The following VPS41 variants were observed in gnomAD, a reference collection of about 807,000 sequenced individuals.
VPS41 encodes the protein VPS41 subunit of HOPS complex.
A neutral mutation model predicts 130.9 loss-of-function variants in VPS41; 85 were observed. The observed-to-expected ratio is 0.65, with a 90% CI of 0.55 to 0.78. The LOEUF (loss-of-function observed/expected upper bound fraction) is 0.78. Ranked by LOEUF, VPS41 falls within the 30% of genes least tolerant of loss-of-function variation. The pLI is 0.00. For synonymous variants in VPS41, 335 were observed against 332.9 expected, an observed-to-expected ratio of 1.01 and a Z score of -0.07; for missense variants, 874 against 1,018.7, an observed-to-expected ratio of 0.86 and a Z score of 1.93.
chr7:38,803,404 T>G (rs1784773213), intron 7 of VPS41, among the ~76,000 whole-genome samples: 1 of 152,174 alleles, frequency 6.6e-6, no homozygotes. Context: ...TGGGCAAGAT[T>G]CAGCAGGGGC....
chr7:38,858,652 T>G (rs1786036319), intron 4 of VPS41, among the ~76,000 whole-genome samples: 1 of 152,190 alleles, frequency 6.6e-6, no homozygotes, highest in South Asian at 2.1e-4. Context: ...TTCCTAACAC[T>G]CTGTGTCACT....
chr7:38,861,299 C>G (rs185257229), intron 4 of VPS41, among the ~76,000 whole-genome samples: 155 of 152,274 alleles, frequency 1.0e-3, no homozygotes, highest in African/African-American at 3.6e-3. Flanking sequence ...AGAAACCACA[C>G]AGTCAATCTT....
At chr7:38,745,294 A>C (rs1233271387) in intron 23 of VPS41, among the ~76,000 whole-genome samples, 1 of 152,214 alleles carries the variant, frequency 6.6e-6, no homozygotes, top group East Asian at 1.9e-4. Flanking sequence ...ACTCATCTAC[A>C]ACTTAATCTA....
intron 23 of VPS41, among the ~76,000 whole-genome samples, chr7:38,744,509 A>T (rs1237056099): frequency 2.0e-5 from 3 of 152,222 alleles, no homozygotes; most frequent in Non-Finnish European, 4.4e-5. Context: ...TTAGTTATTT[A>T]AAAATGTTTA....
At chr7:38,827,279 G>C (rs1470272782) in intron 5 of VPS41, among the ~76,000 whole-genome samples, 1 of 151,958 alleles carries the variant, frequency 6.6e-6, no homozygotes, top group African/African-American at 2.4e-5. Flanking sequence ...ATCAGAGAAG[G>C]GAATAAACAA....
intron 2 of VPS41, among the ~76,000 whole-genome samples, chr7:38,883,003 G>T (rs1370786005): frequency 2.6e-5 from 4 of 152,164 alleles, no homozygotes; most frequent in African/African-American, 9.7e-5. Flanking sequence ...AGCACTTTGG[G>T]AGGCCGAGGC....
chr7:38,878,578 A>C (rs1195226380), intron 2 of VPS41, among the ~76,000 whole-genome samples: 1 of 152,200 alleles, frequency 6.6e-6, no homozygotes, highest in Non-Finnish European at 1.5e-5. Flanking sequence ...AACCCCGCAT[A>C]TATTAATAAA....
At position 38,829,413 on chromosome 7, in the gene VPS41, G is replaced by C. The variant is rs1240661159; in HGVS notation, c.321+841C>G. Among the ~76,000 whole-genome samples the C allele has an allele frequency of 2.0e-5, 3 of 152,120 alleles. No homozygotes were observed. In the South Asian group the frequency reaches 6.2e-4, roughly 32 times the overall value. Reference sequence around the variant, plus strand: ...AGGGCACATAATAAATACAAAATTAGATTAGGAAATCTGCTTTACTCAGTA... The same window carrying C: ...AGGGCACATAATAAATACAAAATTACATTAGGAAATCTGCTTTACTCAGTA... On this transcript the variant is annotated intron_variant, in intron 5 of 28. Transcript: ENST00000310301.
At chr7:38,830,887 T>A (rs1471240259) in intron 4 of VPS41, among the ~76,000 whole-genome samples, 1 of 152,224 alleles carries the variant, frequency 6.6e-6, no homozygotes, top group Non-Finnish European at 1.5e-5. Context: ...TGATCCATTT[T>A]GTAGAAGAAT....
At chr7:38,842,049 A>G (rs1441468273) in intron 4 of VPS41, among the ~76,000 whole-genome samples, 2 of 152,116 alleles carry the variant, frequency 1.3e-5, no homozygotes, top group African/African-American at 2.4e-5. Flanking sequence ...TCTGTGTCAA[A>G]TTGTCAATTC....
intron 2 of VPS41, among the ~76,000 whole-genome samples, chr7:38,891,226 A>AT (rs1786859915): frequency 6.6e-6 from 1 of 152,212 alleles, no homozygotes; most frequent in African/African-American, 2.4e-5. Context: ...GAAGACACCT[A>AT]TAATATGTAT....
chr7:38,781,032 C>T (rs1784346490), intron 10 of VPS41, among the ~76,000 whole-genome samples: 2 of 152,158 alleles, frequency 1.3e-5, no homozygotes, highest in Non-Finnish European at 2.9e-5. Flanking sequence ...CAGATGCCAG[C>T]ATCATGCTTA....
chr7:38,765,564 A>G lies in VPS41; in HGVS notation c.1329+16T>C. The G allele has an allele frequency of 6.5e-7, 1 of 1,529,148 alleles. No individual in the cohort carries two copies. The highest frequency in any genetic ancestry group is 8.9e-7 in the Non-Finnish European group (1 of 1,119,826). 94.7% of individuals were successfully genotyped at this position (1,529,148 alleles called of 1,614,324 possible). ...TACTTGCAGAAACTGAGAGTTAAAA[A>G]TAAGGCTTTGCTTACCTTAAGCTGT... On this transcript the variant is annotated intron_variant, in intron 16 of 28. Transcript: ENST00000310301.
chr7:38,789,641 G>C (rs1027024977), intron 10 of VPS41, among the ~76,000 whole-genome samples, 160 bp downstream of exon 10: 2 of 152,176 alleles, frequency 1.3e-5, no homozygotes, highest in Non-Finnish European at 2.9e-5. Context: ...CAGCAGTGGG[G>C]ACAGCAGATG....
At chr7:38,762,402 C>T (rs886159005) in intron 17 of VPS41, among the ~76,000 whole-genome samples, 5 of 152,082 alleles carry the variant, frequency 3.3e-5, no homozygotes, top group African/African-American at 9.7e-5. Flanking sequence ...ATATGTTTGT[C>T]GTTAATATTA....
intron 10 of VPS41, among the ~76,000 whole-genome samples, chr7:38,782,599 T>C (rs940745782): frequency 6.6e-6 from 1 of 152,182 alleles, no homozygotes; most frequent in African/African-American, 2.4e-5. Context: ...CACAAAATTT[T>C]CACATATTGC....
At position 38,799,650 on chromosome 7, in the gene VPS41, T is replaced by C. The variant is rs1482937961; in HGVS notation, c.451-2786A>G. Among the ~76,000 whole-genome samples the C allele has an allele frequency of 2.6e-5, 4 of 152,152 alleles. No individual in the cohort carries two copies. In the East Asian group the frequency reaches 7.7e-4, roughly 29 times the overall value. ...GTCTCATTAAATTAACCTATAATTT[T>C]AATGCAAGTCCAAAAAAATCCAAAG... On this transcript the variant is annotated intron_variant, in intron 7 of 28. Transcript: ENST00000310301.
At chr7:38,741,393 A>G (rs1238569022) in intron 25 of VPS41, 1 of 302,592 alleles carries the variant, frequency 3.3e-6, no homozygotes. Flanking sequence ...CTTTGTAATT[A>G]GTATAATAAT....
At chr7:38,824,941 G>A (rs753167863) in intron 5 of VPS41, among the ~76,000 whole-genome samples, 16 of 152,222 alleles carry the variant, frequency 1.1e-4, no homozygotes, top group South Asian at 8.3e-4. Flanking sequence ...GACTGTGGAT[G>A]TAATGCTGAA....
Sources: gnomAD v4.1 joint callset for allele counts (sites outside exome capture counted in the v4.1 genomes callset) on GRCh38, gnomAD v4.1.1 for gene constraint, MANE v1.5 for transcripts, NCBI Gene and HGNC (gene_info 2026-07-23, HGNC 2026-07-21) for gene names.